Variants in PTPRZ1 observed in about 807,000 individuals in gnomAD.
PTPRZ1 encodes protein tyrosine phosphatase receptor type Z1.
A neutral mutation model predicts 214.1 loss-of-function variants in PTPRZ1; 82 were observed. The ratio of observed to expected loss-of-function variants is 0.38; its 90% CI spans 0.32 to 0.46. PTPRZ1 has a LOEUF of 0.46. Ranked by LOEUF, PTPRZ1 falls within the 20% of genes least tolerant of loss-of-function variation. The pLI, the probability that PTPRZ1 is intolerant of heterozygous loss-of-function variation, is 1.00. For synonymous variants in PTPRZ1, 945 were observed against 987.9 expected (o/e 0.96, Z 0.81); for missense variants, 2,603 against 2,748.7 (o/e 0.95, Z 1.19).
At chr7:121,973,834 TGAGG>T (rs1216136969) in intron 4 of PTPRZ1, among the ~76,000 whole-genome samples, 8 of 148,886 alleles carry the variant, frequency 5.4e-5, no homozygotes, top group Admixed American at 6.9e-5. Flanking sequence ...CTCAGGAGGC[TGAGG>T]CATGGGAATC....
At chr7:122,032,544 C>T (rs1414356857) in intron 15 of PTPRZ1, among the ~76,000 whole-genome samples, 3 of 152,108 alleles carry the variant, frequency 2.0e-5, no homozygotes, top group Admixed American at 1.3e-4. Flanking sequence ...AGTGGCTCTG[C>T]GGACCTCCCT....
chr7:121,991,023 T>A (rs1196498), intron 8 of PTPRZ1, among the ~76,000 whole-genome samples: 141,370 of 152,254 alleles, frequency 0.93, 65,980 homozygotes, highest in Non-Finnish European at 0.97. Context: ...GGGGGGAAAA[T>A]CAGACCTTAA....
At chr7:121,905,212 T>A (rs1287146305) in intron 1 of PTPRZ1, among the ~76,000 whole-genome samples, 1 of 152,170 alleles carries the variant, frequency 6.6e-6, no homozygotes, top group Non-Finnish European at 1.5e-5. Flanking sequence ...GAGAACACAA[T>A]GATGTCTAAG....
Position 122,034,085 on chromosome 7 carries a change from C to A in PTPRZ1, c.5167-10C>A. The A allele has an allele frequency of 6.3e-7, 1 of 1,588,622 alleles. No individual in the cohort carries two copies. The highest frequency in any genetic ancestry group is 1.3e-5 in the African/African-American group (1 of 74,326). On this transcript the variant is annotated splice_polypyrimidine_tract_variant and intron_variant, in intron 15 of 29. Transcript: ENST00000393386. ...TTTCTTTACTTTTTTGGCATTCATT[C>A]CCTCATTAGACACTGAAAGAGTTTT...
intron 1 of PTPRZ1, among the ~76,000 whole-genome samples, chr7:121,892,831 G>A (rs17143870): frequency 0.055 from 8,269 of 150,802 alleles, 580 homozygotes; most frequent in African/African-American, 0.16. Flanking sequence ...TCAAGACTTA[G>A]CAATATGCTA....
At chr7:121,936,711 G>A (rs1397372829) in intron 2 of PTPRZ1, among the ~76,000 whole-genome samples, 6 of 152,180 alleles carry the variant, frequency 3.9e-5, no homozygotes, top group Non-Finnish European at 8.8e-5. Flanking sequence ...CCCATCAGAT[G>A]TTATCTTATC....
Position 122,038,857 on chromosome 7 carries a change from G to T in PTPRZ1, c.5470G>T (p.Val1824Phe), listed in dbSNP as rs77920289. The T allele has an allele frequency of 6.2e-7, 1 of 1,613,856 alleles. No homozygotes were observed. Among genetic ancestry groups the T allele is most frequent in the Non-Finnish European group, 8.5e-7 (1 of 1,179,850 alleles). Residue 1824 changes from valine to phenylalanine, a missense_variant, in exon 19 of 30, where the codon GTC (valine) becomes TTC (phenylalanine). By Grantham distance (50) the Val-to-Phe change is conservative. This residue lies in a region of PTPRZ1 where 1,913 missense variants were observed against 1,914.3 expected (regional missense o/e 1.00). Transcript: ENST00000393386. ...MIWEHNVEVI[V>F]MITNLVEKGR... ...ATGGGAACATAATGTGGAAGTTATT[G>T]TCATGATAACAAACCTCGTGGAGAA... is the stretch of plus-strand genomic sequence containing the variant.
chr7:122,017,271 G>T (rs1798870189), intron 12 of PTPRZ1, among the ~76,000 whole-genome samples: 1 of 152,024 alleles, frequency 6.6e-6, no homozygotes, highest in African/African-American at 2.4e-5. Flanking sequence ...GGTTATTTAG[G>T]TGACTAGATG....
chr7:122,035,078 A>AAAAC (rs1261070839), intron 17 of PTPRZ1, among the ~76,000 whole-genome samples: 4 of 152,018 alleles, frequency 2.6e-5, no homozygotes, highest in Admixed American at 6.6e-5. Flanking sequence ...CCCCACTCCA[A>AAAAC]AAACAAACAA....
chr7:122,039,664 C>A (rs926660880), intron 20 of PTPRZ1, 76 bp downstream of exon 20: 6 of 1,528,694 alleles, frequency 3.9e-6, no homozygotes, highest in Non-Finnish European at 5.3e-6. Flanking sequence ...AGCGATAGAA[C>A]CAAGAAAGGG....
At chr7:122,024,049 C>G (rs940423) in intron 13 of PTPRZ1, among the ~76,000 whole-genome samples, 9,291 of 151,576 alleles carry the variant, frequency 0.061, 501 homozygotes, top group African/African-American at 0.15. Flanking sequence ...ACGTAGTTAT[C>G]AACACTTAGC....
At chr7:122,003,919 G>C (rs764278720) in intron 10 of PTPRZ1, among the ~76,000 whole-genome samples, 9 of 152,146 alleles carry the variant, frequency 5.9e-5, no homozygotes, top group Non-Finnish European at 5.9e-5. Flanking sequence ...ACAAACAGAC[G>C]TGAATGATTG....
chr7:121,906,582 A>G (rs1795122818), intron 1 of PTPRZ1, among the ~76,000 whole-genome samples: 1 of 152,158 alleles, frequency 6.6e-6, no homozygotes, highest in Non-Finnish European at 1.5e-5. Flanking sequence ...GAAGCTTGGC[A>G]TTGTTTGGTA....
intron 1 of PTPRZ1, among the ~76,000 whole-genome samples, chr7:121,889,339 T>C (rs1409957658): frequency 3.9e-5 from 6 of 152,110 alleles, no homozygotes; most frequent in Non-Finnish European, 7.4e-5. Context: ...TACTAGAGAA[T>C]GTAGACAAAG....
At chr7:121,927,663 C>A (rs1204499604) in intron 1 of PTPRZ1, among the ~76,000 whole-genome samples, 1 of 152,208 alleles carries the variant, frequency 6.6e-6, no homozygotes, top group African/African-American at 2.4e-5. Flanking sequence ...TTTCTGACCG[C>A]AGCTAATTTT....
At chr7:122,043,862 A>G (rs1428756543) in intron 22 of PTPRZ1, among the ~76,000 whole-genome samples, 4 of 152,176 alleles carry the variant, frequency 2.6e-5, no homozygotes, top group East Asian at 3.8e-4. Context: ...ACAAACCCCC[A>G]TGACACAAGT....
At chr7:122,036,109 C>G (rs1022608264) in intron 17 of PTPRZ1, among the ~76,000 whole-genome samples, 3 of 152,106 alleles carry the variant, frequency 2.0e-5, no homozygotes, top group African/African-American at 4.8e-5. Context: ...TCCTAGGGAA[C>G]CTTTGGCTTT....
chr7:122,009,457 T>TAAA (rs56259188), intron 11 of PTPRZ1, among the ~76,000 whole-genome samples: 1 of 142,016 alleles, frequency 7.0e-6, no homozygotes. Flanking sequence ...CCACATGAAC[T>TAAA]AAAAAAAAAA....
chr7:121,893,903 C>G (rs1794711433), intron 1 of PTPRZ1, among the ~76,000 whole-genome samples: 1 of 152,032 alleles, frequency 6.6e-6, no homozygotes, highest in African/African-American at 2.4e-5. Flanking sequence ...AGCTACACTT[C>G]TTTATCCTCC....
Sources: gnomAD v4.1 joint callset for allele counts (sites outside exome capture counted in the v4.1 genomes callset) on GRCh38, gnomAD v4.1.1 for gene constraint, gnomAD v4.1.1 regional missense constraint, MANE v1.5 for transcripts, NCBI Gene and HGNC (gene_info 2026-07-23, HGNC 2026-07-21) for gene names.